Variants in ARHGAP22 observed in about 807,000 individuals in gnomAD.
The protein encoded by ARHGAP22 is Rho GTPase activating protein 22, also known as rho GTPase-activating protein 22.
A neutral mutation model predicts 59.1 loss-of-function variants in ARHGAP22; 48 were observed. The observed-to-expected ratio is 0.81, with a 90% confidence interval of 0.64 to 1.03. The LOEUF is 1.03. Ranked by LOEUF, ARHGAP22 falls within the 50% of genes least tolerant of loss-of-function variation. ARHGAP22 has a pLI of 0.00. For synonymous variants in ARHGAP22, 445 were observed against 416.4 expected (o/e 1.07, Z -0.84); for missense variants, 1,015 against 958.7 (o/e 1.06, Z -0.78).
At chr10:48,609,375 A>G (rs2060794273), upstream of ARHGAP22, among the ~76,000 whole-genome samples, 1 of 152,198 alleles carries the variant, frequency 6.6e-6, no homozygotes, top group South Asian at 2.1e-4. Context: ...CCTGGCTTCC[A>G]GGATTCCTTC....
intron 2 of ARHGAP22, among the ~76,000 whole-genome samples, chr10:48,576,702 C>A (rs551693300): frequency 2.0e-5 from 3 of 152,302 alleles, no homozygotes; most frequent in African/African-American, 7.2e-5. Context: ...AAATTCTTCC[C>A]CTGCCATTGC....
At chr10:48,623,390 G>A (rs778333129) in intron 1 of ARHGAP22, among the ~76,000 whole-genome samples, 10 of 152,194 alleles carry the variant, frequency 6.6e-5, no homozygotes, top group Non-Finnish European at 1.3e-4. Flanking sequence ...TGTCTTTGTC[G>A]AGAAAAGATT....
chr10:48,567,492 G>GCTAAGCATT (rs1564897418), intron 2 of ARHGAP22, among the ~76,000 whole-genome samples: 8 of 152,208 alleles, frequency 5.3e-5, no homozygotes, highest in African/African-American at 1.4e-4. Context: ...ACCCAGGGGA[G>GCTAAGCATT]CTCTTGAATC....
At position 48,451,205 on chromosome 10, in the gene ARHGAP22, G is replaced by T. The variant is rs1233227099; in HGVS notation, c.989-65C>A. On this transcript the variant is annotated intron_variant, in intron 8 of 9. Coordinates refer to ENST00000249601, the MANE Select transcript of ARHGAP22 (RefSeq NM_021226.4). ...CACTCGGCCCAGGCTCGCTCTGCCA[G>T]TCATGGAGAAGCTGCAGCTTCGTGG... is the stretch of plus-strand genomic sequence containing the variant. 21 of 1,545,862 alleles carry T rather than the reference G, an allele frequency of 1.4e-5. No individual in the cohort carries two copies. The Admixed American group carries it at 4.1e-4, about 30-fold the overall frequency.
the ARHGAP22 span, among the ~76,000 whole-genome samples, chr10:48,440,358 A>G: frequency 1.3e-5 from 2 of 152,204 alleles, no homozygotes; most frequent in Admixed American, 6.5e-5. Flanking sequence ...ATGGAAGCAT[A>G]TAAGTGACAT....
intron 3 of ARHGAP22, among the ~76,000 whole-genome samples, chr10:48,540,066 TCAGA>T (rs1321787959): frequency 3.3e-5 from 5 of 152,214 alleles, no homozygotes; most frequent in Non-Finnish European, 7.3e-5. Context: ...TGATTGAAAC[TCAGA>T]CAGTAAGACT....
the ARHGAP22 span, chr10:48,434,924 G>A: frequency 1.2e-3 from 1,857 of 1,613,296 alleles, 29 homozygotes; most frequent in Admixed American, 0.024. Context: ...CATCATCATC[G>A]TCGTCTGTCA....
intron 3 of ARHGAP22, among the ~76,000 whole-genome samples, chr10:48,547,691 C>A (rs974359781): frequency 6.6e-6 from 1 of 152,238 alleles, no homozygotes; most frequent in African/African-American, 2.4e-5. Context: ...TGGCCATTCA[C>A]GTCTTCCTCG....
At chr10:48,480,672 G>A (rs941905611) in intron 3 of ARHGAP22, among the ~76,000 whole-genome samples, 1 of 152,174 alleles carries the variant, frequency 6.6e-6, no homozygotes, top group African/African-American at 2.4e-5. Context: ...GGACACTTCT[G>A]GTAAGCACAG....
At chr10:48,655,267 G>GGGGT (rs2062774051), upstream of ARHGAP22, among the ~76,000 whole-genome samples, 4 of 138,754 alleles carry the variant, frequency 2.9e-5, no homozygotes, top group African/African-American at 8.9e-5. Context: ...GGGGGGGGGG[G>GGGGT]GGGGCGGGGG....
intron 3 of ARHGAP22, among the ~76,000 whole-genome samples, chr10:48,496,368 A>G (rs2050929763): frequency 1.3e-5 from 2 of 152,304 alleles, no homozygotes; most frequent in Non-Finnish European, 2.9e-5. Context: ...ACTATGCGCC[A>G]GTCATGTGCC....
At chr10:48,470,864 G>A (rs2048167358) in intron 4 of ARHGAP22, among the ~76,000 whole-genome samples, 1 of 152,246 alleles carries the variant, frequency 6.6e-6, no homozygotes, top group Admixed American at 6.5e-5. Flanking sequence ...AGCAAGCAGT[G>A]CTGGGGAGAA....
intron 1 of ARHGAP22, among the ~76,000 whole-genome samples, chr10:48,646,743 G>A (rs970168514): frequency 6.6e-6 from 1 of 152,124 alleles, no homozygotes; most frequent in African/African-American, 2.4e-5. Context: ...CTCAAAATTG[G>A]TCTTAGCTCT....
At position 48,489,574 on chromosome 10, in the gene ARHGAP22, T is replaced by C. The variant is rs534137651; in HGVS notation, c.323-9810A>G. On this transcript the variant is annotated intron_variant, in intron 3 of 9. Transcript: ENST00000249601. ...TTAGTATTAGCTTTACTTAAATGAA[T>C]AAGAATTACACTGGCAAATATTTCA... Among the ~76,000 whole-genome samples the C allele has an allele frequency of 3.9e-5, 6 of 152,324 alleles. No individual in the cohort carries two copies. In the South Asian group the frequency reaches 1.2e-3, roughly 32 times the overall value.
At chr10:48,463,586 G>A (rs2047364272) in intron 4 of ARHGAP22, among the ~76,000 whole-genome samples, 1 of 152,174 alleles carries the variant, frequency 6.6e-6, no homozygotes, top group South Asian at 2.1e-4. Context: ...GCCTGTGAGT[G>A]GGTAGGGCCT....
chr10:48,539,291 A>ATTTTTTTTTTTT (rs56801787), intron 3 of ARHGAP22, among the ~76,000 whole-genome samples: 1 of 136,262 alleles, frequency 7.3e-6, no homozygotes, highest in African/African-American at 2.8e-5. Context: ...GAAGGGTAAC[A>ATTTTTTTTTTTT]TTTTTTTTTT....
At chr10:48,530,094 A>G (rs974037693) in intron 3 of ARHGAP22, among the ~76,000 whole-genome samples, 8 of 152,174 alleles carry the variant, frequency 5.3e-5, no homozygotes, top group Non-Finnish European at 1.2e-4. Context: ...AAAATTAGCC[A>G]GGCATGGTGG....
intron 3 of ARHGAP22, among the ~76,000 whole-genome samples, chr10:48,502,217 T>C (rs2051597070): frequency 6.6e-6 from 1 of 152,166 alleles, no homozygotes; most frequent in Admixed American, 6.5e-5. Context: ...GAATCTTCCT[T>C]TGTGATTCTG....
At chr10:48,526,405 C>T (rs532352773) in intron 3 of ARHGAP22, among the ~76,000 whole-genome samples, 53 of 152,244 alleles carry the variant, frequency 3.5e-4, no homozygotes, top group African/African-American at 6.3e-4. Flanking sequence ...GCGTTAGATC[C>T]GGAAAGAAAG....
Sources: allele counts gnomAD v4.1 joint callset (sites outside exome capture counted in the v4.1 genomes callset), GRCh38; gene constraint gnomAD v4.1.1; transcripts MANE v1.5; gene names NCBI Gene and HGNC (gene_info 2026-07-23, HGNC 2026-07-21).